Variants in IL1RAP observed in about 807,000 individuals in gnomAD.
The protein encoded by IL1RAP is interleukin-1 receptor accessory protein.
IL1RAP carries 35 observed loss-of-function variants against 60.7 expected under a neutral mutation model. The observed-to-expected ratio is 0.58, with a 90% CI of 0.44 to 0.76. The LOEUF is 0.76. IL1RAP is among the 30% of genes least tolerant of loss of function. IL1RAP has a pLI of 0.00. For missense variants in IL1RAP, 572 were observed against 693.9 expected, an observed-to-expected ratio of 0.82 and a Z score of 1.97; for synonymous variants, 268 against 250.9, an observed-to-expected ratio of 1.07 and a Z score of -0.64.
At chr3:190,603,850 G>A (rs1036938109) in intron 3 of IL1RAP, among the ~76,000 whole-genome samples, 3 of 152,096 alleles carry the variant, frequency 2.0e-5, no homozygotes, top group Non-Finnish European at 2.9e-5. Context: ...TCTTTCTTAG[G>A]TGAAACTTTC....
intron 1 of IL1RAP, among the ~76,000 whole-genome samples, chr3:190,524,855 T>C (rs1368467955): frequency 6.6e-6 from 1 of 152,174 alleles, no homozygotes; most frequent in East Asian, 1.9e-4. Context: ...TTGACATACA[T>C]ATATGCGCAT....
chr3:190,620,496 T>A (rs565923203), intron 6 of IL1RAP, 56 bp downstream of exon 6: 3 of 1,428,206 alleles, frequency 2.1e-6, no homozygotes, highest in Non-Finnish European at 2.9e-6. Flanking sequence ...CTTGTTATGG[T>A]TTTTAATAGT....
intron 1 of IL1RAP, chr3:190,518,889 G>A (rs897552688): frequency 2.6e-5 from 4 of 152,238 alleles, no homozygotes; most frequent in Admixed American, 2.6e-4. Context: ...AGATTTGGGT[G>A]GGGACACAGA....
chr3:190,636,824 T>A (rs1206151286), intron 9 of IL1RAP, among the ~76,000 whole-genome samples: 2 of 152,174 alleles, frequency 1.3e-5, no homozygotes, highest in African/African-American at 4.8e-5. Context: ...TGACTGCCTT[T>A]AAGTTTACCA....
intron 1 of IL1RAP, among the ~76,000 whole-genome samples, chr3:190,544,632 G>A (rs555527608): frequency 3.9e-5 from 6 of 152,208 alleles, no homozygotes; most frequent in East Asian, 1.9e-4. Context: ...CACCTCCACC[G>A]TGTTTTTCTG....
At chr3:190,537,823 G>T (rs181141394) in intron 1 of IL1RAP, among the ~76,000 whole-genome samples, 7 of 152,070 alleles carry the variant, frequency 4.6e-5, no homozygotes, top group Non-Finnish European at 7.4e-5. Context: ...AGACGTATAC[G>T]ATTTCTCCAT....
chr3:190,554,099 GGAAA>G (rs1262319329), intron 1 of IL1RAP, among the ~76,000 whole-genome samples: 3 of 146,616 alleles, frequency 2.0e-5, no homozygotes, highest in African/African-American at 7.6e-5. Flanking sequence ...GAAATGAGAG[GGAAA>G]GAGATTTCTT....
chr3:190,543,393 G>A (rs1322670336), intron 1 of IL1RAP, among the ~76,000 whole-genome samples: 1 of 152,150 alleles, frequency 6.6e-6, no homozygotes, highest in African/African-American at 2.4e-5. Flanking sequence ...TTCAATGCTA[G>A]ACCCTGGGAG....
At chr3:190,658,213 A>T (rs1397205458) in exon 12 of IL1RAP, 1 of 152,176 alleles carries the variant, frequency 6.6e-6, no homozygotes, top group African/African-American at 2.4e-5. Flanking sequence ...TAAAGTTAAG[A>T]AGGAAAAAAC....
chr3:190,541,867 G>A (rs372232099), intron 1 of IL1RAP, among the ~76,000 whole-genome samples: 24 of 152,178 alleles, frequency 1.6e-4, no homozygotes, highest in Admixed American at 2.6e-4. Flanking sequence ...TCCTGTCTCT[G>A]GATGAGAAGT....
intron 1 of IL1RAP, among the ~76,000 whole-genome samples, chr3:190,533,325 G>T (rs1233096998): frequency 6.6e-6 from 1 of 152,200 alleles, no homozygotes; most frequent in Non-Finnish European, 1.5e-5. Context: ...AGTTGGCAAG[G>T]ATGTCACAGG....
At chr3:190,632,683 G>C (rs1037713972) in intron 9 of IL1RAP, among the ~76,000 whole-genome samples, 1 of 152,084 alleles carries the variant, frequency 6.6e-6, no homozygotes, top group Non-Finnish European at 1.5e-5. Flanking sequence ...AAGGTATTCA[G>C]GTTAGAAAGG....
chr3:190,630,928 T>A (rs553326802), intron 9 of IL1RAP, among the ~76,000 whole-genome samples: 1 of 152,346 alleles, frequency 6.6e-6, no homozygotes, highest in South Asian at 2.1e-4. Flanking sequence ...GCACAGTTAT[T>A]GGCATATATA....
chr3:190,594,942 T>A (rs1729255698), intron 3 of IL1RAP, among the ~76,000 whole-genome samples: 1 of 152,204 alleles, frequency 6.6e-6, no homozygotes, highest in African/African-American at 2.4e-5. Flanking sequence ...TTCAAAATGG[T>A]TGAGGGACTT....
At chr3:190,564,619 C>G (rs1363630934) in intron 3 of IL1RAP, 1 of 413,014 alleles carries the variant, frequency 2.4e-6, no homozygotes, top group African/African-American at 2.0e-5. Context: ...TCACACTCAG[C>G]CAACTAGAAT....
At chr3:190,522,411 G>GTATC (rs1166083415) in intron 1 of IL1RAP, among the ~76,000 whole-genome samples, 3 of 101,320 alleles carry the variant, frequency 3.0e-5, no homozygotes, top group African/African-American at 1.6e-4. Context: ...ATCTATCTAT[G>GTATC]TATCTATGTA....
At position 190,571,481 on chromosome 3, in the gene IL1RAP, A is replaced by C. The variant is rs918767566; in HGVS notation, c.64+7128A>C. Among the ~76,000 whole-genome samples, 7 of 152,130 alleles carry C rather than the reference A, an allele frequency of 4.6e-5. No homozygotes were observed. In the South Asian group the frequency reaches 1.4e-3, roughly 31 times the overall value. On this transcript the variant is annotated intron_variant, in intron 3 of 11. Coordinates refer to ENST00000447382, the MANE Select transcript of IL1RAP (RefSeq NM_002182.4). The stretch of plus-strand genomic sequence containing the variant: ...AAATGAGCTGTGATCACGCCACTGC[A>C]CTCCAGCCTGGGCGACAGAACAAGA...
intron 5 of IL1RAP, among the ~76,000 whole-genome samples, chr3:190,615,842 G>A (rs1353848449): frequency 6.6e-6 from 1 of 152,078 alleles, no homozygotes; most frequent in Non-Finnish European, 1.5e-5. Flanking sequence ...CTTCTTGTTG[G>A]CATAGAGATA....
At chr3:190,626,190 G>C (rs1732246695) in intron 7 of IL1RAP, among the ~76,000 whole-genome samples, 1 of 152,098 alleles carries the variant, frequency 6.6e-6, no homozygotes, top group African/African-American at 2.4e-5. Flanking sequence ...ACTTATTACT[G>C]ATTTAACTTA....
Sources: allele counts gnomAD v4.1 joint callset (sites outside exome capture counted in the v4.1 genomes callset), GRCh38; gene constraint gnomAD v4.1.1; transcripts MANE v1.5; gene names NCBI Gene and HGNC (gene_info 2026-07-23, HGNC 2026-07-21).